Variants in CADM2 observed in about 807,000 individuals in gnomAD.
The protein encoded by CADM2 is cell adhesion molecule 2, also known as immunoglobulin superfamily member 4D.
In CADM2, 12 loss-of-function variants were observed where a neutral mutation model predicts 49.8. The ratio of observed to expected loss-of-function variants is 0.24; its 90% CI spans 0.15 to 0.39. CADM2 has a LOEUF of 0.39. CADM2 is among the 10% of genes least tolerant of loss of function. The pLI, the probability that CADM2 is intolerant of heterozygous loss-of-function variation, is 1.00. For missense variants in CADM2, 378 were observed against 492.3 expected, an observed-to-expected ratio of 0.77 and a Z score of 2.20; for synonymous variants, 214 against 175.4, an observed-to-expected ratio of 1.22 and a Z score of -1.74.
chr3:85,172,727 T>C (rs201330921), intron 1 of CADM2, among the ~76,000 whole-genome samples: 5,389 of 151,716 alleles, frequency 0.036, 122 homozygotes, highest in East Asian at 0.075. Context: ...TGGTCTGATC[T>C]ATGGCTGCTG....
At chr3:85,309,139 G>A (rs1005355523) in intron 1 of CADM2, among the ~76,000 whole-genome samples, 3 of 151,996 alleles carry the variant, frequency 2.0e-5, no homozygotes, top group Admixed American at 6.6e-5. Flanking sequence ...GGCTCTAAGG[G>A]TTCATTTAGT....
At chr3:85,251,712 A>G (rs2107862422) in intron 1 of CADM2, among the ~76,000 whole-genome samples, 1 of 152,108 alleles carries the variant, frequency 6.6e-6, no homozygotes, top group Non-Finnish European at 1.5e-5. Flanking sequence ...GGGAGTATAT[A>G]GATCATCCTA....
chr3:85,058,960 C>T (rs951194018), intron 1 of CADM2, among the ~76,000 whole-genome samples: 5 of 151,422 alleles, frequency 3.3e-5, no homozygotes, highest in African/African-American at 4.8e-5. Context: ...ATATAGTATT[C>T]TTAATTATCA....
chr3:85,963,019 A>T (rs1243679819), intron 8 of CADM2, among the ~76,000 whole-genome samples: 1 of 151,934 alleles, frequency 6.6e-6, no homozygotes, highest in African/African-American at 2.4e-5. Flanking sequence ...TTAATTTTAG[A>T]GAGAAATTAA....
At chr3:85,358,967 T>G (rs1489877865) in intron 1 of CADM2, among the ~76,000 whole-genome samples, 1 of 152,166 alleles carries the variant, frequency 6.6e-6, no homozygotes, top group African/African-American at 2.4e-5. Flanking sequence ...TCTGAAACAC[T>G]TTATAATGTG....
intron 5 of CADM2, among the ~76,000 whole-genome samples, chr3:85,903,797 T>C (rs576300835): frequency 7.1e-4 from 108 of 152,290 alleles, no homozygotes; most frequent in African/African-American, 2.5e-3. Flanking sequence ...GTGATTCCCC[T>C]TCACTATTTG....
At chr3:85,620,360 C>T (rs999133811) in intron 1 of CADM2, among the ~76,000 whole-genome samples, 14 of 151,752 alleles carry the variant, frequency 9.2e-5, no homozygotes, top group African/African-American at 3.4e-4. Context: ...TTAGAGCAAC[C>T]AATAAACACA....
intron 1 of CADM2, among the ~76,000 whole-genome samples, chr3:85,451,208 G>T (rs2037732796): frequency 6.6e-6 from 1 of 151,916 alleles, no homozygotes; most frequent in Non-Finnish European, 1.5e-5. Context: ...CCTTAAATAT[G>T]GGATAATTAA....
intron 1 of CADM2, among the ~76,000 whole-genome samples, chr3:85,120,572 C>G (rs2038823633): frequency 6.6e-6 from 1 of 152,062 alleles, no homozygotes; most frequent in Admixed American, 6.6e-5. Context: ...CAAACTAACA[C>G]AGGAACAGAA....
intron 5 of CADM2, among the ~76,000 whole-genome samples, chr3:85,895,595 G>T (rs1402496417): frequency 6.6e-6 from 1 of 152,094 alleles, no homozygotes; most frequent in Non-Finnish European, 1.5e-5. Flanking sequence ...AGATGTGGGG[G>T]CAATCTGTGT....
intron 1 of CADM2, among the ~76,000 whole-genome samples, chr3:85,435,136 A>G (rs1387608507): frequency 2.0e-5 from 3 of 151,998 alleles, no homozygotes; most frequent in Non-Finnish European, 4.4e-5. Context: ...TATCATCTAC[A>G]TTAGGTATTT....
intron 1 of CADM2, among the ~76,000 whole-genome samples, chr3:85,490,975 T>G (rs2039646161): frequency 6.6e-6 from 1 of 152,198 alleles, no homozygotes; most frequent in Non-Finnish European, 1.5e-5. Context: ...AAGGGCATCT[T>G]TAGATATTTA....
intron 1 of CADM2, among the ~76,000 whole-genome samples, chr3:85,618,916 G>A (rs1054515530): frequency 3.3e-5 from 5 of 151,616 alleles, no homozygotes; most frequent in East Asian, 1.9e-4. Context: ...TTGTGGGTGC[G>A]TGTAATCCCA....
chr3:85,729,199 TA>T (rs1419752634), intron 2 of CADM2, among the ~76,000 whole-genome samples: 7 of 152,210 alleles, frequency 4.6e-5, no homozygotes, highest in Non-Finnish European at 8.8e-5. Flanking sequence ...CTTCATTTTT[TA>T]AAACTTCTCT....
At chr3:84,976,619 T>G (rs751119045) in intron 1 of CADM2, among the ~76,000 whole-genome samples, 4 of 151,906 alleles carry the variant, frequency 2.6e-5, no homozygotes, top group Non-Finnish European at 2.9e-5. Context: ...TCTTCCAGTA[T>G]GTTTCTCCTT....
intron 1 of CADM2, among the ~76,000 whole-genome samples, chr3:85,206,519 G>C (rs1386780028): frequency 1.3e-5 from 2 of 151,884 alleles, no homozygotes; most frequent in African/African-American, 2.4e-5. Flanking sequence ...GTGTTAGCCA[G>C]GATGGTCTTG....
At chr3:85,509,817 C>A (rs1204831793) in intron 1 of CADM2, among the ~76,000 whole-genome samples, 1 of 151,878 alleles carries the variant, frequency 6.6e-6, no homozygotes, top group Non-Finnish European at 1.5e-5. Context: ...GAGAGTCAGG[C>A]AATATTAAAA....
chr3:84,993,314 G>A (rs930520277), intron 1 of CADM2, among the ~76,000 whole-genome samples: 1 of 152,048 alleles, frequency 6.6e-6, no homozygotes, highest in Non-Finnish European at 1.5e-5. Context: ...GTATTAACTG[G>A]AATATTTTGA....
chr3:86,019,688 T>C (rs1267193065), intron 8 of CADM2, among the ~76,000 whole-genome samples: 1 of 152,114 alleles, frequency 6.6e-6, no homozygotes, highest in Middle Eastern at 3.2e-3. Flanking sequence ...TTGTCTGTTG[T>C]TGGTGTATAA....
Sources: gnomAD v4.1 joint callset for allele counts (sites outside exome capture counted in the v4.1 genomes callset) on GRCh38, gnomAD v4.1.1 for gene constraint, MANE v1.5 for transcripts, NCBI Gene and HGNC (gene_info 2026-07-23, HGNC 2026-07-21) for gene names.